Variants in THSD4 observed in about 807,000 individuals in gnomAD.
THSD4 encodes thrombospondin type-1 domain-containing protein 4.
A neutral mutation model predicts 119.0 loss-of-function variants in THSD4; 69 were observed. The ratio of observed to expected loss-of-function variants is 0.58; its 90% CI spans 0.48 to 0.71. The LOEUF (loss-of-function observed/expected upper bound fraction) is 0.71, where lower values mean the gene tolerates loss of function less well. Ranked by LOEUF, THSD4 falls within the 30% of genes least tolerant of loss-of-function variation. THSD4 has a pLI of 0.00. For synonymous variants in THSD4, 524 were observed against 540.4 expected, an observed-to-expected ratio of 0.97 and a Z score of 0.42; for missense variants, 1,393 against 1,391.1, an observed-to-expected ratio of 1.00 and a Z score of -0.02.
At position 71,750,996 on chromosome 15, in the gene THSD4, G is replaced by A. The variant is rs1193948741; in HGVS notation, c.2415+2402G>A. Among the ~76,000 whole-genome samples the A allele has an allele frequency of 2.0e-5, 3 of 152,184 alleles. No homozygotes were observed. In the East Asian group the frequency reaches 5.8e-4, roughly 29 times the overall value. ...AAACCCTTTATCAGAAATTCACCCT[G>A]TGTCCAGACAATTACATCTATTTCT... On this transcript the variant is annotated intron_variant, in intron 14 of 17. Coordinates refer to ENST00000261862, the MANE Select transcript of THSD4 (RefSeq NM_024817.3).
At chr15:71,639,814 A>G (rs1310950390) in intron 7 of THSD4, among the ~76,000 whole-genome samples, 2 of 149,926 alleles carry the variant, frequency 1.3e-5, no homozygotes, top group Non-Finnish European at 3.0e-5. Context: ...GGCCTAAGAC[A>G]GCTGTAGATG....
chr15:71,317,302 C>G (rs988725302), intron 6 of THSD4, among the ~76,000 whole-genome samples: 6 of 152,106 alleles, frequency 3.9e-5, no homozygotes, highest in Non-Finnish European at 7.4e-5. Flanking sequence ...CCATTCTCAC[C>G]CTGCTAATAA....
intron 9 of THSD4, 93 bp downstream of exon 9, chr15:71,728,817 C>T (rs1424970874): frequency 7.3e-6 from 11 of 1,504,068 alleles, no homozygotes; most frequent in African/African-American, 5.5e-5. Flanking sequence ...AAATCATTGC[C>T]CATACTCAAT....
At chr15:71,199,703 TCTGG>T (rs1350658762) in intron 3 of THSD4, among the ~76,000 whole-genome samples, 3 of 8,760 alleles carry the variant, frequency 3.4e-4, no homozygotes, top group African/African-American at 4.5e-4. Context: ...GTGTGTGGTG[TCTGG>T]GTGTGTGGTG....
intron 6 of THSD4, among the ~76,000 whole-genome samples, chr15:71,395,912 G>GACACACACACACACAC (rs148711899): frequency 9.1e-6 from 1 of 109,500 alleles, no homozygotes; most frequent in African/African-American, 3.8e-5. Context: ...GTTTTGAAGA[G>GACACACACACACACAC]AGACACACAC....
At chr15:71,482,170 A>T (rs895569953) in intron 7 of THSD4, among the ~76,000 whole-genome samples, 8 of 152,226 alleles carry the variant, frequency 5.3e-5, no homozygotes, top group African/African-American at 1.9e-4. Context: ...ACTACAGTTG[A>T]TTCAGTGGCT....
intron 7 of THSD4, among the ~76,000 whole-genome samples, chr15:71,535,385 G>A (rs2048675553): frequency 6.6e-6 from 1 of 152,188 alleles, no homozygotes; most frequent in South Asian, 2.1e-4. Context: ...TTCATTAGGT[G>A]ATGGATATTT....
chr15:71,746,802 T>C (rs1222880347), intron 12 of THSD4, 36 bp from the exon 13 acceptor site: 4 of 1,606,124 alleles, frequency 2.5e-6, no homozygotes, highest in Non-Finnish European at 3.4e-6. Context: ...TGACTGAAGG[T>C]TGTCTCTCAC....
Position 71,591,473 on chromosome 15 carries a change from C to G in THSD4, c.1153-69057C>G, listed in dbSNP as rs536428023. Among the ~76,000 whole-genome samples, 3 of 152,254 alleles carry G rather than the reference C, an allele frequency of 2.0e-5. No individual in the cohort carries two copies. In the South Asian group the frequency reaches 6.2e-4, roughly 31 times the overall value. ...CAGCAAGAGCATTGCTATACCGATC[C>G]TCTTGGCTGACTCCCATCTGCAAGG... On this transcript the variant is annotated intron_variant, in intron 7 of 17. Transcript: ENST00000261862.
chr15:71,543,047 T>TC (rs1325215659), intron 7 of THSD4, among the ~76,000 whole-genome samples: 3 of 55,020 alleles, frequency 5.5e-5, no homozygotes, highest in Admixed American at 3.1e-4. Flanking sequence ...TGTGGTCTCC[T>TC]GGATTGGGTC....
chr15:71,552,566 C>T lies in THSD4; in HGVS notation c.1153-107964C>T, dbSNP rs1291929976. 2.0e-5 allele frequency among the ~76,000 whole-genome samples: 3 copies of T among 152,374 alleles called. No individual in the cohort carries two copies. The East Asian group carries it at 5.8e-4, about 29-fold the overall frequency. On this transcript the variant is annotated intron_variant, in intron 7 of 17. Transcript: ENST00000261862. ...TAGCCAGTCAGCTATGTGGAACTCA[C>T]TTGCTAATGCAAGACCCAAGTTTGA... is the stretch of plus-strand genomic sequence containing the variant.
At chr15:71,527,069 A>G (rs371194490) in intron 7 of THSD4, among the ~76,000 whole-genome samples, 1 of 152,080 alleles carries the variant, frequency 6.6e-6, no homozygotes, top group African/African-American at 2.4e-5. Flanking sequence ...CTCCCTCATA[A>G]ATGGGATTAA....
chr15:71,462,391 A>G (rs2140618145), intron 7 of THSD4, among the ~76,000 whole-genome samples: 1 of 152,320 alleles, frequency 6.6e-6, no homozygotes. Flanking sequence ...TCCTGGGCTC[A>G]AGTGATCCTC....
rs528270633 is a variant in THSD4 at position 71,276,472 on chromosome 15, G to C, written c.1015+19757G>C. ...AGGTCTCCTCACCTGTGTGAGCTCT[G>C]ATGTGCTGGGCTTGGAAACAAGGAA... On this transcript the variant is annotated intron_variant, in intron 6 of 17. Coordinates refer to ENST00000261862, the MANE Select transcript of THSD4 (RefSeq NM_024817.3). 9.2e-5 allele frequency among the ~76,000 whole-genome samples: 14 copies of C among 152,308 alleles called. No homozygotes were observed. The East Asian group carries it at 2.3e-3, about 25-fold the overall frequency.
chr15:71,777,394 G>T lies in THSD4; in HGVS notation c.*20G>T, dbSNP rs990269830. On this transcript the variant is annotated 3_prime_UTR_variant, in exon 18 of 18. Coordinates refer to ENST00000261862, the MANE Select transcript of THSD4 (RefSeq NM_024817.3). ...AGATAACACTCCTGCACCCCCATCA[G>T]TAGGGCAGCATCACTGCCTTCCCGG... 5 of 1,609,058 alleles carry T rather than the reference G, an allele frequency of 3.1e-6. No individual in the cohort carries two copies. Among genetic ancestry groups the T allele is most frequent in the Non-Finnish European group, 4.2e-6 (5 of 1,178,412 alleles).
intron 7 of THSD4, among the ~76,000 whole-genome samples, chr15:71,479,921 T>C (rs2047705219): frequency 6.6e-6 from 1 of 152,216 alleles, no homozygotes; most frequent in Non-Finnish European, 1.5e-5. Context: ...CTGTTAACAT[T>C]TTGTGTATTT....
At chr15:71,243,244 C>T in intron 5 of THSD4, 148 bp downstream of exon 5, 1 of 819,320 alleles carries the variant, frequency 1.2e-6, no homozygotes, top group Non-Finnish European at 1.9e-6. Context: ...CTTTGCTTTC[C>T]ATGTATTCTC....
intron 7 of THSD4, among the ~76,000 whole-genome samples, chr15:71,451,327 C>T (rs996659422): frequency 1.3e-5 from 2 of 152,148 alleles, no homozygotes; most frequent in African/African-American, 2.4e-5. Flanking sequence ...CCCTTGGGAG[C>T]GGAGGTGATT....
At chr15:71,761,085 G>A (rs1160126391) in intron 15 of THSD4, among the ~76,000 whole-genome samples, 1 of 151,922 alleles carries the variant, frequency 6.6e-6, no homozygotes, top group African/African-American at 2.4e-5. Flanking sequence ...TTATATGTTT[G>A]GACTTTTCCC....
Sources: gnomAD v4.1 joint callset for allele counts (sites outside exome capture counted in the v4.1 genomes callset) on GRCh38, gnomAD v4.1.1 for gene constraint, MANE v1.5 for transcripts, NCBI Gene and HGNC (gene_info 2026-07-23, HGNC 2026-07-21) for gene names.